GRM3: variants seen among roughly 807,000 people sequenced by gnomAD.
GRM3 encodes glutamate metabotropic receptor 3, also known as metabotropic glutamate receptor 3.
GRM3 carries 26 observed loss-of-function variants against 70.5 expected under a neutral mutation model. That is an observed-to-expected ratio of 0.37 (90% CI 0.27 to 0.51). The LOEUF is 0.51. GRM3 is among the 20% of genes least tolerant of loss of function. The pLI is 0.93. For synonymous variants in GRM3, 443 were observed against 434.9 expected (o/e 1.02, Z -0.23); for missense variants, 859 against 1,123.8 (o/e 0.76, Z 3.37).
intron 1 of GRM3, among the ~76,000 whole-genome samples, chr7:86,666,907 G>A (rs1794041366): frequency 6.6e-6 from 1 of 152,068 alleles, no homozygotes; most frequent in South Asian, 2.1e-4. Context: ...ATTTACATCA[G>A]ATATTTTGTT....
chr7:86,811,795 G>A (rs1453510004), intron 3 of GRM3, among the ~76,000 whole-genome samples: 1 of 149,226 alleles, frequency 6.7e-6, no homozygotes, highest in Non-Finnish European at 1.5e-5. Context: ...GAATTCAGAT[G>A]TGGAAAACCT....
At chr7:86,672,906 T>C (rs1211946463) in intron 1 of GRM3, among the ~76,000 whole-genome samples, 2 of 152,162 alleles carry the variant, frequency 1.3e-5, no homozygotes, top group East Asian at 3.9e-4. Context: ...AGAAAACCAA[T>C]ACTCTCTGAA....
At chr7:86,864,131 G>GTA (rs796882364) in intron 5 of GRM3, 151 bp from the exon 6 acceptor site, 5 of 607,758 alleles carry the variant, frequency 8.2e-6, no homozygotes, top group African/African-American at 3.6e-5. Flanking sequence ...CACCTGGGTA[G>GTA]TATACACTGA....
intron 3 of GRM3, among the ~76,000 whole-genome samples, chr7:86,821,547 C>T (rs560730410): frequency 7.9e-5 from 12 of 152,216 alleles, no homozygotes; most frequent in South Asian, 2.1e-4. Flanking sequence ...GTAAACAAGA[C>T]GCGAAAAATG....
At chr7:86,691,660 A>G (rs1048422967) in intron 1 of GRM3, among the ~76,000 whole-genome samples, 2 of 152,214 alleles carry the variant, frequency 1.3e-5, no homozygotes, top group African/African-American at 4.8e-5. Flanking sequence ...GAATGGATTA[A>G]TAATGCCTTT....
At chr7:86,696,368 T>TA (rs911648380) in intron 1 of GRM3, among the ~76,000 whole-genome samples, 1 of 79,842 alleles carries the variant, frequency 1.3e-5, no homozygotes, top group African/African-American at 2.9e-5. Flanking sequence ...ATAGTAAAGA[T>TA]TGGGGGGATG....
At position 86,661,430 on chromosome 7, in the gene GRM3, G is replaced by C. The variant is rs546273529; in HGVS notation, c.-141+16558G>C. Among the ~76,000 whole-genome samples the C allele has an allele frequency of 1.3e-4, 20 of 151,936 alleles. No homozygotes were observed. The South Asian group carries it at 4.1e-3, about 32-fold the overall frequency. On this transcript the variant is annotated intron_variant, in intron 1 of 5. Coordinates refer to ENST00000361669, the MANE Select transcript of GRM3 (RefSeq NM_000840.3). ...TGTTGGGCCCTGCGGTAGGTGCTGG[G>C]GATCTGTCAATCTGTAGCTAATAGT...
intron 3 of GRM3, among the ~76,000 whole-genome samples, chr7:86,822,081 CA>C (rs1314287580): frequency 2.6e-5 from 4 of 152,006 alleles, no homozygotes; most frequent in Non-Finnish European, 4.4e-5. Flanking sequence ...TGTTGAATAA[CA>C]GCACAGTGGC....
At chr7:86,809,114 T>C (rs1584258065) in intron 3 of GRM3, among the ~76,000 whole-genome samples, 1 of 152,048 alleles carries the variant, frequency 6.6e-6, no homozygotes, top group Non-Finnish European at 1.5e-5. Context: ...CACTGAGGAT[T>C]CCCCCGCCAT....
At chr7:86,774,208 G>A (rs1206541642) in intron 2 of GRM3, among the ~76,000 whole-genome samples, 1 of 151,986 alleles carries the variant, frequency 6.6e-6, no homozygotes, top group Non-Finnish European at 1.5e-5. Flanking sequence ...TTTCAATATG[G>A]AAAGAGCAGC....
At chr7:86,716,739 C>A (rs1166853246) in intron 1 of GRM3, among the ~76,000 whole-genome samples, 2 of 151,116 alleles carry the variant, frequency 1.3e-5, no homozygotes, top group Non-Finnish European at 3.0e-5. Flanking sequence ...ATTATAAGCC[C>A]AATTTGAGGC....
In GRM3 at chr7:86,839,129, T is replaced by C; in HGVS notation, c.1615T>C (p.Tyr539His). 6.2e-7 allele frequency: 1 copy of C among 1,614,120 alleles called. No individual in the cohort carries two copies. The change falls in exon 4 of 6, where the codon TAC becomes CAC. Residue 539 changes from tyrosine to histidine, a missense_variant. Coordinates refer to ENST00000361669, the MANE Select transcript of GRM3 (RefSeq NM_000840.3). This position sits in a 1 kb window ranked among gnomAD's most constrained non-coding sequence, Gnocchi z 4.5. ...WICIPCEPYE[Y>H]LADEFTCMDC... ...TTGCATCCCCTGTGAACCCTACGAA[T>C]ACCTGGCTGATGAGTTTACCTGTAT...
chr7:86,763,897 G>A (rs971975949), intron 1 of GRM3, among the ~76,000 whole-genome samples: 1 of 152,134 alleles, frequency 6.6e-6, no homozygotes, highest in Non-Finnish European at 1.5e-5. Flanking sequence ...GGAATTTATT[G>A]CTAGGGTCCT....
chr7:86,710,597 G>A (rs1795174306), intron 1 of GRM3, among the ~76,000 whole-genome samples: 1 of 131,380 alleles, frequency 7.6e-6, no homozygotes, highest in African/African-American at 2.7e-5. Context: ...GGGTGGTGGG[G>A]AGAGAGAGAG....
At chr7:86,754,065 G>C (rs1391008935) in intron 1 of GRM3, among the ~76,000 whole-genome samples, 1 of 152,100 alleles carries the variant, frequency 6.6e-6, no homozygotes, top group Non-Finnish European at 1.5e-5. Context: ...AATGATAGGA[G>C]AGTTCCATTA....
chr7:86,723,227 TA>T (rs61660393), intron 1 of GRM3, among the ~76,000 whole-genome samples: 26 of 151,482 alleles, frequency 1.7e-4, no homozygotes, highest in African/African-American at 4.6e-4. Flanking sequence ...TCTACATCCA[TA>T]AAAAAAATAT....
chr7:86,737,036 A>T (rs1010253991), intron 1 of GRM3, among the ~76,000 whole-genome samples: 6 of 152,056 alleles, frequency 3.9e-5, no homozygotes. Context: ...AAAAAAAAAC[A>T]TCCAACTCCA....
chr7:86,805,009 G>A (rs1316795687), intron 3 of GRM3, among the ~76,000 whole-genome samples: 2 of 152,116 alleles, frequency 1.3e-5, no homozygotes, highest in African/African-American at 2.4e-5. Context: ...AGCTACCTGG[G>A]AGGTTGAGGT....
chr7:86,701,935 C>T (rs1794954426), intron 1 of GRM3, among the ~76,000 whole-genome samples: 1 of 151,922 alleles, frequency 6.6e-6, no homozygotes, highest in Admixed American at 6.6e-5. Context: ...GAGTCAATCC[C>T]TACTTCATTA....
Sources: allele counts gnomAD v4.1 joint callset (sites outside exome capture counted in the v4.1 genomes callset), GRCh38; gene constraint gnomAD v4.1.1; non-coding constraint Gnocchi (gnomAD v3.1); transcripts MANE v1.5; gene names NCBI Gene and HGNC (gene_info 2026-07-23, HGNC 2026-07-21).